The following LOC728743 variants were observed in gnomAD, a reference collection of about 807,000 sequenced individuals.
At chr7:150,406,049 T>C in the LOC728743 span, 50,515 of 152,166 alleles carry the variant, frequency 0.33, 10,550 homozygotes, top group East Asian at 0.58. Flanking sequence ...CAAGGGGACT[T>C]TGATGATCTG....
the LOC728743 span, chr7:150,401,103 A>G: frequency 6.6e-6 from 1 of 152,268 alleles, no homozygotes; most frequent in Non-Finnish European, 1.5e-5. Flanking sequence ...CAGGCGGTGC[A>G]GTGGCTGGCA....
chr7:150,407,514 G>C, the LOC728743 span: 1 of 397,916 alleles, frequency 2.5e-6, no homozygotes, highest in African/African-American at 2.1e-5. Context: ...GCTGGGGGTT[G>C]GCTAACCCTC....
the LOC728743 span, among the ~76,000 whole-genome samples, chr7:150,404,220 T>A: frequency 1.3e-5 from 2 of 152,382 alleles, no homozygotes; most frequent in South Asian, 4.1e-4. Flanking sequence ...TTGTGACTTT[T>A]AAAATAACTT....
At chr7:150,407,930 C>T in the LOC728743 span, 2 of 412,888 alleles carry the variant, frequency 4.8e-6, no homozygotes, top group Non-Finnish European at 8.6e-6. Context: ...CTGCTTCAGC[C>T]TCAAGCAGAA....
At chr7:150,402,336 T>C in the LOC728743 span, among the ~76,000 whole-genome samples, 2 of 152,232 alleles carry the variant, frequency 1.3e-5, no homozygotes, top group Non-Finnish European at 2.9e-5. Context: ...CACATCTCCA[T>C]CCAGGCCTCT....
the LOC728743 span, among the ~76,000 whole-genome samples, chr7:150,401,173 T>C: frequency 3.9e-5 from 6 of 152,262 alleles, no homozygotes; most frequent in African/African-American, 1.4e-4. Context: ...ATCATCCTTG[T>C]ATTTCTTTGT....
the LOC728743 span, among the ~76,000 whole-genome samples, chr7:150,401,746 T>G: frequency 6.6e-6 from 1 of 152,184 alleles, no homozygotes; most frequent in Non-Finnish European, 1.5e-5. Flanking sequence ...TTCTGTGCTG[T>G]CCAGACTATA....
At chr7:150,402,136 T>C in the LOC728743 span, among the ~76,000 whole-genome samples, 2 of 152,198 alleles carry the variant, frequency 1.3e-5, no homozygotes, top group Admixed American at 1.3e-4. Context: ...TGCAGAGCAA[T>C]TGTGCCCATG....
chr7:150,402,518 G>A, the LOC728743 span, among the ~76,000 whole-genome samples: 1 of 152,218 alleles, frequency 6.6e-6, no homozygotes, highest in African/African-American at 2.4e-5. Flanking sequence ...AACAGACATC[G>A]ACTGAGGACC....
the LOC728743 span, chr7:150,408,079 C>T: frequency 2.7e-6 from 1 of 377,268 alleles, no homozygotes. Context: ...ACCCGCGCCG[C>T]CCCGGCGTCT....
chr7:150,407,921 T>G, the LOC728743 span: 22 of 413,978 alleles, frequency 5.3e-5, no homozygotes, highest in East Asian at 7.8e-4. Context: ...GTGCGGCCGC[T>G]GCTTCAGCCT....
the LOC728743 span, among the ~76,000 whole-genome samples, chr7:150,402,863 T>C: frequency 6.6e-6 from 1 of 152,202 alleles, no homozygotes; most frequent in Non-Finnish European, 1.5e-5. Flanking sequence ...CCAGGGTGAC[T>C]ACAGTGCAGA....
chr7:150,402,871 A>T, the LOC728743 span, among the ~76,000 whole-genome samples: 10 of 152,298 alleles, frequency 6.6e-5, no homozygotes, highest in Admixed American at 3.9e-4. Context: ...ACTACAGTGC[A>T]GAGTCTGGGA....
chr7:150,405,677 G>A, the LOC728743 span: 1 of 152,208 alleles, frequency 6.6e-6, no homozygotes, highest in Non-Finnish European at 1.5e-5. Context: ...TCCGGCCGCA[G>A]AAGTTGGCAA....
chr7:150,409,941 A>G, the LOC728743 span, among the ~76,000 whole-genome samples: 1 of 152,164 alleles, frequency 6.6e-6, no homozygotes, highest in Non-Finnish European at 1.5e-5. Context: ...GGACACCTGG[A>G]GTCAGTCACC....
chr7:150,400,811 T>C, the LOC728743 span: 3 of 152,370 alleles, frequency 2.0e-5, no homozygotes, highest in Non-Finnish European at 2.9e-5. Flanking sequence ...AGAGGCATTG[T>C]CATTAAGTCC....
chr7:150,409,222 G>C, the LOC728743 span, among the ~76,000 whole-genome samples: 1 of 151,290 alleles, frequency 6.6e-6, no homozygotes, highest in Non-Finnish European at 1.5e-5. Flanking sequence ...TTCGTGGTCA[G>C]GGGGTGGGGA....
At chr7:150,402,891 C>T in the LOC728743 span, among the ~76,000 whole-genome samples, 1 of 152,192 alleles carries the variant, frequency 6.6e-6, no homozygotes, top group African/African-American at 2.4e-5. Context: ...ACAGGGTTCA[C>T]CTGAGCTACA....
the LOC728743 span, among the ~76,000 whole-genome samples, chr7:150,407,011 C>A: frequency 6.6e-6 from 1 of 152,206 alleles, no homozygotes; most frequent in South Asian, 2.1e-4. Context: ...TAATGCCACC[C>A]TTTTCTCCAA....
Sources: allele counts gnomAD v4.1 joint callset (sites outside exome capture counted in the v4.1 genomes callset), GRCh38; gene constraint gnomAD v4.1.1; transcripts MANE v1.5.